The following GNAL variants were observed in gnomAD, a reference collection of about 807,000 sequenced individuals.
The protein encoded by GNAL is G protein subunit alpha L.
A neutral mutation model predicts 55.1 loss-of-function variants in GNAL; 18 were observed. The observed-to-expected ratio is 0.33, with a 90% CI of 0.23 to 0.48. The LOEUF is 0.48. GNAL is among the 20% of genes least tolerant of loss of function. The pLI, the probability that GNAL is intolerant of heterozygous loss-of-function variation, is 0.99. For missense variants in GNAL, 412 were observed against 614.1 expected (o/e 0.67, Z 3.48); for synonymous variants, 253 against 237.0 (o/e 1.07, Z -0.62).
intron 10 of GNAL, among the ~76,000 whole-genome samples, chr18:11,873,426 G>A (rs1231356886): frequency 1.3e-5 from 2 of 152,022 alleles, no homozygotes; most frequent in South Asian, 2.1e-4. Context: ...ATAAAGACCC[G>A]AAAAAAATTC....
intron 1 of GNAL, among the ~76,000 whole-genome samples, chr18:11,732,972 G>A (rs1026987332): frequency 6.6e-6 from 1 of 152,194 alleles, no homozygotes; most frequent in Admixed American, 6.5e-5. Flanking sequence ...GAGCTTTCTG[G>A]GCAGTGATTA....
intron 4 of GNAL, chr18:11,811,562 C>T (rs1009228237): frequency 6.6e-6 from 1 of 152,196 alleles, no homozygotes; most frequent in African/African-American, 2.4e-5. Flanking sequence ...ACTCAGATAC[C>T]AAAATCTATG....
chr18:11,689,758 G>A lies in GNAL; in HGVS notation c.195G>A (p.Arg65=), dbSNP rs2031175074. ...GCGAAGGGAGCCCGGCATGCGCTCG[G>A]CCCAAAGCAGACAAGCCGAAGGAGA... is the stretch of plus-strand genomic sequence containing the variant. ...RGGEGSPACA[R]PKADKPKEKR... is the part of the protein sequence containing the mutation. The change falls in exon 1 of 12, where the codon CGG becomes CGA. Residue 65 remains arginine, a synonymous_variant. Transcript: ENST00000334049. The A allele has an allele frequency of 6.6e-7, 1 of 1,514,634 alleles. No homozygotes were observed. Among genetic ancestry groups the A allele is most frequent in the East Asian group, 2.7e-5 (1 of 36,402 alleles). 93.8% of individuals were successfully genotyped at this position (1,514,634 alleles called of 1,614,324 possible).
chr18:11,705,977 A>G (rs918378114), intron 1 of GNAL, among the ~76,000 whole-genome samples: 3 of 150,074 alleles, frequency 2.0e-5, no homozygotes, highest in African/African-American at 7.4e-5. Flanking sequence ...CTGGTCTTGA[A>G]CTCCTGACTT....
At chr18:11,804,742 A>G (rs1293289426) in intron 4 of GNAL, among the ~76,000 whole-genome samples, 1 of 131,080 alleles carries the variant, frequency 7.6e-6, no homozygotes, top group African/African-American at 3.4e-5. Context: ...GGACACGGAG[A>G]TACTGTGTAG....
At chr18:11,842,431 C>T (rs2035638497) in intron 5 of GNAL, among the ~76,000 whole-genome samples, 1 of 152,068 alleles carries the variant, frequency 6.6e-6, no homozygotes, top group Non-Finnish European at 1.5e-5. Context: ...TTACTGTGCT[C>T]TTCTATTACG....
chr18:11,711,397 T>TC (rs2031836634), intron 1 of GNAL, among the ~76,000 whole-genome samples: 1 of 152,060 alleles, frequency 6.6e-6, no homozygotes. Flanking sequence ...AATTTTTCAT[T>TC]CTTTTTTTTT....
In GNAL at chr18:11,689,603, G is replaced by C. The variant is rs1380175713; in HGVS notation, c.40G>C (p.Gly14Arg). The change falls in exon 1 of 12, where the codon GGC becomes CGC. Residue 14 changes from glycine to arginine, a missense_variant. Physicochemically the swap from Gly to Arg is moderately radical, Grantham distance 125. This residue lies in a region of GNAL where 228 missense variants were observed against 194.8 expected (regional missense o/e 1.17). Coordinates refer to ENST00000334049, the MANE Select transcript of GNAL (RefSeq NM_182978.4). The stretch of plus-strand genomic sequence containing the variant: ...CAGTCTGCGGCCGCTGCTTTTCGGG[G>C]GCCCAGGGGACGACCCCTGCGCGGC... The part of the protein sequence containing the change: ...CYSLRPLLFG[G>R]PGDDPCAASE... 7.5e-7 allele frequency: 1 copy of C among 1,336,354 alleles called. No individual in the cohort carries two copies. The highest frequency in any genetic ancestry group is 4.2e-5 in the Admixed American group (1 of 23,952). The allele number at this position is 1,336,354 out of a possible 1,614,324, so 82.8% of individuals were successfully genotyped here. A position where few individuals can be genotyped will look rare whatever the true frequency, so the allele number is the denominator to read the frequency against.
At chr18:11,839,120 A>G (rs114573424) in intron 5 of GNAL, among the ~76,000 whole-genome samples, 1 of 152,224 alleles carries the variant, frequency 6.6e-6, no homozygotes, top group African/African-American at 2.4e-5. Flanking sequence ...ATTGTGTACC[A>G]CTGTGCCTAG....
Position 11,752,488 on chromosome 18 carries a change from A to G in GNAL, c.377-365A>G. ...GACGGAAGACCAGGGCGTCGATGAA[A>G]AAGAACGACGCGAGGCCAACAAAAA... is the stretch of plus-strand genomic sequence containing the variant. On this transcript the variant is annotated intron_variant, in intron 1 of 11. Transcript: ENST00000334049. The surrounding 1 kb of genome is among the most constrained non-coding windows in gnomAD (Gnocchi z 4.5). The G allele has an allele frequency of 6.2e-7, 1 of 1,613,150 alleles. No homozygotes were observed. The highest frequency in any genetic ancestry group is 8.5e-7 in the Non-Finnish European group (1 of 1,179,608).
chr18:11,838,305 A>G (rs1229518368), intron 5 of GNAL, among the ~76,000 whole-genome samples: 1 of 152,198 alleles, frequency 6.6e-6, no homozygotes, highest in East Asian at 1.9e-4. Context: ...CCAGACACAA[A>G]AGACCACATA....
intron 1 of GNAL, among the ~76,000 whole-genome samples, chr18:11,692,479 C>G (rs12458181): frequency 0.17 from 26,184 of 152,166 alleles, 3,828 homozygotes; most frequent in African/African-American, 0.4. Context: ...GCACACGTTT[C>G]CAGAGGTCTG....
intron 4 of GNAL, chr18:11,811,443 A>G (rs558532900): frequency 6.6e-6 from 1 of 152,370 alleles, no homozygotes; most frequent in East Asian, 1.9e-4. Context: ...GCCTCTGCCC[A>G]GGAATACTGG....
At chr18:11,859,892 T>C (rs1229569585) in intron 5 of GNAL, among the ~76,000 whole-genome samples, 2 of 151,988 alleles carry the variant, frequency 1.3e-5, no homozygotes, top group African/African-American at 4.8e-5. Context: ...ATTACAGGCA[T>C]GCGTGCCACC....
At chr18:11,866,823 CCTGAGTGT>C (rs1175785542) in intron 7 of GNAL, among the ~76,000 whole-genome samples, 2 of 141,034 alleles carry the variant, frequency 1.4e-5, no homozygotes, top group East Asian at 3.9e-4. Context: ...CTCAGAGAGG[CCTGAGTGT>C]CTGAGCAGGT....
intron 10 of GNAL, 61 bp from the exon 11 acceptor site, chr18:11,876,560 T>C: frequency 2.0e-6 from 2 of 1,000,678 alleles, no homozygotes; most frequent in Non-Finnish European, 3.2e-6. Flanking sequence ...TTCTGTGTTT[T>C]CGTAGAGTTG....
In GNAL at chr18:11,790,553, G is replaced by A. The variant is rs1480768132; in HGVS notation, c.625-34365G>A. ...GGTCAGTGCCAAGGTGGAAATCAGT[G>A]TTAACATGTTTGATTTTTGCCTCTG... On this transcript the variant is annotated intron_variant, in intron 4 of 11. Transcript: ENST00000334049. 3.3e-5 allele frequency among the ~76,000 whole-genome samples: 5 copies of A among 151,740 alleles called. No homozygotes were observed. In the East Asian group the frequency reaches 5.8e-4, roughly 18 times the overall value.
intron 1 of GNAL, among the ~76,000 whole-genome samples, chr18:11,733,816 A>G (rs1409075802): frequency 1.3e-5 from 2 of 150,712 alleles, no homozygotes; most frequent in East Asian, 2.0e-4. Flanking sequence ...TGATGCCTAC[A>G]CTATGCTCTA....
At chr18:11,817,002 G>A (rs916682394) in intron 4 of GNAL, among the ~76,000 whole-genome samples, 2 of 152,090 alleles carry the variant, frequency 1.3e-5, no homozygotes, top group Non-Finnish European at 2.9e-5. Flanking sequence ...GTGGTGGCAC[G>A]GCTTGGCTCC....
Sources: allele counts gnomAD v4.1 joint callset (sites outside exome capture counted in the v4.1 genomes callset), GRCh38; gene constraint gnomAD v4.1.1; regional missense constraint gnomAD v4.1.1; non-coding constraint Gnocchi (gnomAD v3.1); transcripts MANE v1.5; gene names NCBI Gene and HGNC (gene_info 2026-07-23, HGNC 2026-07-21).